Variants in TMTC2 observed in about 807,000 individuals in gnomAD.
TMTC2 encodes transmembrane O-mannosyltransferase targeting cadherins 2, also known as protein O-mannosyl-transferase TMTC2.
A neutral mutation model predicts 82.4 loss-of-function variants in TMTC2; 43 were observed. The observed-to-expected ratio is 0.52, with a 90% confidence interval of 0.41 to 0.67. TMTC2 has a LOEUF of 0.67. Ranked by LOEUF, TMTC2 falls within the 30% of genes least tolerant of loss-of-function variation. The pLI, the probability that TMTC2 is intolerant of heterozygous loss-of-function variation, is 0.00. For missense variants in TMTC2, 919 were observed against 1,012.4 expected (o/e 0.91, Z 1.25); for synonymous variants, 408 against 381.9 (o/e 1.07, Z -0.80).
At chr12:82,895,353 C>T (rs1453379557) in intron 2 of TMTC2, among the ~76,000 whole-genome samples, 1 of 152,122 alleles carries the variant, frequency 6.6e-6, no homozygotes, top group Non-Finnish European at 1.5e-5. Context: ...TGCCATACCA[C>T]ATATTTTTTG....
intron 1 of TMTC2, among the ~76,000 whole-genome samples, chr12:82,802,219 GTCCTAGGC>G (rs1200622192): frequency 1.3e-5 from 2 of 152,150 alleles, no homozygotes; most frequent in African/African-American, 4.8e-5. Flanking sequence ...GCTGGCTCAG[GTCCTAGGC>G]TCCTCACTGC....
At chr12:82,791,931 C>G (rs1478584182) in intron 1 of TMTC2, among the ~76,000 whole-genome samples, 4 of 152,142 alleles carry the variant, frequency 2.6e-5, no homozygotes, top group African/African-American at 9.7e-5. Flanking sequence ...CCAACTGTTA[C>G]CGTTCTAAGC....
chr12:82,910,316 C>G (rs564256269), intron 3 of TMTC2, among the ~76,000 whole-genome samples: 1 of 152,164 alleles, frequency 6.6e-6, no homozygotes, highest in African/African-American at 2.4e-5. Flanking sequence ...CCTCACAGCG[C>G]GTGTGAAGAG....
intron 1 of TMTC2, among the ~76,000 whole-genome samples, chr12:82,823,266 A>G (rs1220084267): frequency 6.6e-6 from 1 of 152,162 alleles, no homozygotes; most frequent in Non-Finnish European, 1.5e-5. Flanking sequence ...CTCTCACAGA[A>G]CTCGGGACCA....
intron 3 of TMTC2, among the ~76,000 whole-genome samples, chr12:82,905,490 G>A (rs985522637): frequency 6.6e-6 from 1 of 152,124 alleles, no homozygotes; most frequent in Non-Finnish European, 1.5e-5. Context: ...AAGTGCTAAA[G>A]GTTGTTTTTA....
chr12:82,799,517 T>C (rs1207985934), intron 1 of TMTC2, among the ~76,000 whole-genome samples: 1 of 152,034 alleles, frequency 6.6e-6, no homozygotes, highest in East Asian at 1.9e-4. Context: ...GAGGTGGAAA[T>C]AGTAGACATT....
intron 11 of TMTC2, among the ~76,000 whole-genome samples, chr12:83,109,635 A>G (rs1884533815): frequency 6.6e-6 from 1 of 152,190 alleles, no homozygotes; most frequent in Non-Finnish European, 1.5e-5. Context: ...CTTACAGTCT[A>G]TGGAAATCAC....
intron 2 of TMTC2, among the ~76,000 whole-genome samples, chr12:82,866,681 C>T (rs1871884358): frequency 6.6e-6 from 1 of 152,176 alleles, no homozygotes; most frequent in Non-Finnish European, 1.5e-5. Context: ...CCAGTATTTT[C>T]AATTCACAGA....
chr12:83,040,933 C>T (rs539725120), intron 9 of TMTC2, among the ~76,000 whole-genome samples: 1 of 152,236 alleles, frequency 6.6e-6, no homozygotes, highest in East Asian at 1.9e-4. Flanking sequence ...ATCTGCCTGC[C>T]TCAGCCTCCC....
Position 82,774,923 on chromosome 12 carries a change from C to T in TMTC2, c.84-82087C>T, listed in dbSNP as rs189574991. The stretch of plus-strand genomic sequence containing the variant: ...GTGAGAAACAGTCTTTAGGTATTCA[C>T]GTCCTCAGCCCCAGCTGAATGTTGT... On this transcript the variant is annotated intron_variant, in intron 1 of 11. Coordinates refer to ENST00000321196, the MANE Select transcript of TMTC2 (RefSeq NM_152588.3). 5.3e-5 allele frequency among the ~76,000 whole-genome samples: 8 copies of T among 152,114 alleles called. No homozygotes were observed. In the East Asian group the frequency reaches 1.4e-3, roughly 26 times the overall value.
At chr12:82,775,277 G>T (rs11115411) in intron 1 of TMTC2, among the ~76,000 whole-genome samples, 34,642 of 151,694 alleles carry the variant, frequency 0.23, 4,666 homozygotes, top group Middle Eastern at 0.36. Context: ...AGCAAGACCT[G>T]GTCTTTATAA....
Position 82,947,720 on chromosome 12 carries a change from G to A in TMTC2, c.1598+17175G>A, listed in dbSNP as rs193074623. Among the ~76,000 whole-genome samples the A allele has an allele frequency of 4.9e-3, 738 of 152,076 alleles. 3 individuals are homozygous for A. Among genetic ancestry groups the A allele is most frequent in the Non-Finnish European group, 7.9e-3 (536 of 67,952 alleles). On this transcript the variant is annotated intron_variant, in intron 4 of 11. Transcript: ENST00000321196. ...TCTTACGCCCTGTTTTTTTGTTGTT[G>A]TTTTGTTTTGTTTTAAAGAAAAGTC...
Position 82,886,673 on chromosome 12 carries a change from C to T in TMTC2, c.655-9145C>T, listed in dbSNP as rs543790002. On this transcript the variant is annotated intron_variant, in intron 2 of 11. Coordinates refer to ENST00000321196, the MANE Select transcript of TMTC2 (RefSeq NM_152588.3). ...ACATTATAAAACTCTTTAATCTTGTCTGTTAGTTGGTGTGGGGGAGAAAAC... is the reference window on the plus strand; with the variant it reads ...ACATTATAAAACTCTTTAATCTTGTTTGTTAGTTGGTGTGGGGGAGAAAAC... Among the ~76,000 whole-genome samples the T allele has an allele frequency of 2.0e-4, 31 of 152,240 alleles. No homozygotes were observed. In the South Asian group the frequency reaches 6.4e-3, roughly 32 times the overall value.
chr12:83,117,411 G>C (rs920626818), intron 11 of TMTC2, among the ~76,000 whole-genome samples: 4 of 152,154 alleles, frequency 2.6e-5, no homozygotes, highest in Non-Finnish European at 5.9e-5. Context: ...ATATCGAAAA[G>C]ATAATTCACT....
chr12:82,689,750 C>G (rs779169393), intron 1 of TMTC2, among the ~76,000 whole-genome samples: 5 of 152,104 alleles, frequency 3.3e-5, no homozygotes, highest in Non-Finnish European at 5.9e-5. Context: ...ATGCAATAGT[C>G]TAATGGAGTG....
intron 1 of TMTC2, among the ~76,000 whole-genome samples, chr12:82,699,495 T>A (rs1206413273): frequency 6.6e-6 from 1 of 152,206 alleles, no homozygotes; most frequent in Non-Finnish European, 1.5e-5. Flanking sequence ...TCTCTCTTCA[T>A]TGACGACCCT....
At chr12:83,131,126 T>A (rs546827611) in intron 11 of TMTC2, among the ~76,000 whole-genome samples, 19 of 152,366 alleles carry the variant, frequency 1.2e-4, no homozygotes, top group Middle Eastern at 6.8e-3. Flanking sequence ...CAATTAATAG[T>A]TGACACGATC....
intron 3 of TMTC2, among the ~76,000 whole-genome samples, chr12:82,915,441 AG>A (rs1361593612): frequency 1.3e-5 from 2 of 152,208 alleles, no homozygotes; most frequent in Admixed American, 1.3e-4. Flanking sequence ...TAACAGGGCT[AG>A]TACTACAACG....
chr12:82,970,015 G>C (rs1878379579), intron 7 of TMTC2, among the ~76,000 whole-genome samples: 1 of 152,134 alleles, frequency 6.6e-6, no homozygotes, highest in Admixed American at 6.5e-5. Flanking sequence ...ATTGCTCCTA[G>C]CCAGTTGTGT....
Sources: gnomAD v4.1 joint callset for allele counts (sites outside exome capture counted in the v4.1 genomes callset) on GRCh38, gnomAD v4.1.1 for gene constraint, MANE v1.5 for transcripts, NCBI Gene and HGNC (gene_info 2026-07-23, HGNC 2026-07-21) for gene names.